Variants in GABPA observed in about 807,000 individuals in gnomAD.
GABPA encodes GA-binding protein alpha chain.
In GABPA, 4 loss-of-function variants were observed where a neutral mutation model predicts 59.4. The observed-to-expected ratio is 0.07, with a 90% CI of 0.03 to 0.15. The LOEUF (loss-of-function observed/expected upper bound fraction) is 0.15. GABPA is among the 10% of genes least tolerant of loss of function. The probability of loss-of-function intolerance (pLI) is 1.00; values close to 1 mark genes in which losing one functional copy is unlikely to be tolerated. For synonymous variants in GABPA, 164 were observed against 183.1 expected (o/e 0.90, Z 0.84); for missense variants, 251 against 543.8 (o/e 0.46, Z 5.36).
chr21:25,745,164 C>T (rs1479589278), intron 2 of GABPA, 46 bp from the exon 3 acceptor site: 2 of 1,593,234 alleles, frequency 1.3e-6, no homozygotes, highest in African/African-American at 2.7e-5. Flanking sequence ...CTTTGAAATC[C>T]AGGGTAAAAA....
chr21:25,769,234 C>T lies in GABPA; in HGVS notation c.*2C>T, dbSNP rs1283016911. The stretch of plus-strand genomic sequence containing the variant: ...CTGCAAACGGAAAAGGATAATTGAG[C>T]CCCAGGACATTCTGAGACTCCAAAG... On this transcript the variant is annotated 3_prime_UTR_variant, in exon 10 of 10. Transcript: ENST00000400075. The T allele has an allele frequency of 1.3e-6, 2 of 1,575,780 alleles. No homozygotes were observed. The highest frequency in any genetic ancestry group is 4.5e-5 in the East Asian group (2 of 44,700).
intron 5 of GABPA, among the ~76,000 whole-genome samples, chr21:25,756,386 G>A (rs1355303969): frequency 1.3e-5 from 2 of 151,768 alleles, no homozygotes; most frequent in African/African-American, 4.8e-5. Flanking sequence ...TTTCCTTGGC[G>A]TCCCTCTGCT....
chr21:25,748,954 A>G, intron 3 of GABPA, 82 bp from the exon 4 acceptor site: 1 of 804,852 alleles, frequency 1.2e-6, no homozygotes, highest in Non-Finnish European at 2.2e-6. Context: ...TGTTTGGTAC[A>G]TCCATTTATT....
At chr21:25,739,808 G>A (rs1216056242) in intron 1 of GABPA, among the ~76,000 whole-genome samples, 1 of 152,156 alleles carries the variant, frequency 6.6e-6, no homozygotes, top group Non-Finnish European at 1.5e-5. Context: ...ATAGGAGACA[G>A]GTTCTTTTTA....
intron 5 of GABPA, among the ~76,000 whole-genome samples, chr21:25,755,365 G>C (rs897580064): frequency 1.3e-5 from 2 of 149,242 alleles, no homozygotes; most frequent in Non-Finnish European, 3.0e-5. Context: ...GAGCTCTGGA[G>C]CTTGAGGCTA....
At chr21:25,761,947 T>C (rs1423700899) in intron 6 of GABPA, among the ~76,000 whole-genome samples, 1 of 152,126 alleles carries the variant, frequency 6.6e-6, no homozygotes, top group African/African-American at 2.4e-5. Context: ...ACCTAAATAA[T>C]TTAATTTTGG....
chr21:25,755,888 G>A (rs553647745), intron 5 of GABPA, among the ~76,000 whole-genome samples: 1 of 152,224 alleles, frequency 6.6e-6, no homozygotes, highest in East Asian at 1.9e-4. Flanking sequence ...CTGCAGGCAG[G>A]AATTCTCTCA....
intron 3 of GABPA, among the ~76,000 whole-genome samples, chr21:25,748,479 AC>A (rs1383860863): frequency 6.6e-6 from 1 of 152,172 alleles, no homozygotes; most frequent in East Asian, 1.9e-4. Context: ...GAAGGAAAAA[AC>A]ACTAATACTG....
chr21:25,747,765 C>A (rs867158688), intron 3 of GABPA, among the ~76,000 whole-genome samples: 2 of 152,150 alleles, frequency 1.3e-5, no homozygotes, highest in Non-Finnish European at 2.9e-5. Context: ...TTCAGAGTTA[C>A]ATTTGCCATA....
chr21:25,741,019 G>A (rs985309623), intron 1 of GABPA, among the ~76,000 whole-genome samples: 7 of 152,198 alleles, frequency 4.6e-5, no homozygotes, highest in African/African-American at 1.4e-4. Context: ...CTTGTTGATT[G>A]CAATTGGTCC....
chr21:25,756,981 T>C (rs2035652284), intron 5 of GABPA, among the ~76,000 whole-genome samples: 1 of 152,238 alleles, frequency 6.6e-6, no homozygotes, highest in South Asian at 2.1e-4. Context: ...GGCACCTCTG[T>C]TCCTTTAGTC....
In GABPA at chr21:25,772,239, C is replaced by T. The variant is rs2036022906; in HGVS notation, c.*3007C>T. Reference sequence around the variant, plus strand: ...TTGCTGCCAGGAAAAACAAAATTCTCAATCTTTTGTAAATGGGAGGAGGAC... The same window carrying T: ...TTGCTGCCAGGAAAAACAAAATTCTTAATCTTTTGTAAATGGGAGGAGGAC... On this transcript the variant is annotated 3_prime_UTR_variant, in exon 10 of 10. Coordinates refer to ENST00000400075, the MANE Select transcript of GABPA (RefSeq NM_002040.4). 6.6e-6 allele frequency: 1 copy of T among 152,010 alleles called. No homozygotes were observed. Among genetic ancestry groups the T allele is most frequent in the African/African-American group, 2.4e-5 (1 of 41,436 alleles). 9.4% of individuals were successfully genotyped at this position (152,010 alleles called of 1,614,324 possible).
At chr21:25,760,234 T>C (rs2035732490) in intron 6 of GABPA, among the ~76,000 whole-genome samples, 1 of 152,160 alleles carries the variant, frequency 6.6e-6, no homozygotes, top group Non-Finnish European at 1.5e-5. Flanking sequence ...GGCAGGATGA[T>C]GTGTAAGGGT....
rs750459590 is a variant in GABPA at position 25,752,032 on chromosome 21, G to A, written c.351G>A (p.Ala117=). ...KLNILEIVKP[A]DTVEVVIDPD... is the part of the protein sequence containing the mutation. ...ACATCCTTGAAATTGTTAAACCTGC[G>A]GACACTGTTGAGGTTGTTATTGATC... Residue 117 remains alanine (A), a synonymous_variant, in exon 5 of 10, where the codon GCG becomes GCA. Transcript: ENST00000400075. The A allele has an allele frequency of 2.6e-5, 42 of 1,611,154 alleles. No homozygotes were observed. Among genetic ancestry groups the A allele is most frequent in the East Asian group, 4.5e-5 (2 of 44,836 alleles).
rs2034994908 is a variant in GABPA, at chr21:25,735,249, A to T, written c.-356A>T. 5.5e-6 allele frequency: 3 copies of T among 546,112 alleles called. No individual in the cohort carries two copies. Among genetic ancestry groups the T allele is most frequent in the Non-Finnish European group, 6.6e-6 (2 of 301,892 alleles). 33.8% of individuals were successfully genotyped at this position (546,112 alleles called of 1,614,324 possible). ...CTGTTCGTTAGGGTTATCGAAGTGT[A>T]TAAAGGTGCAGGGAAAGTGAGACTG... On this transcript the variant is annotated 5_prime_UTR_variant, in exon 1 of 10. Transcript: ENST00000400075.
intron 1 of GABPA, among the ~76,000 whole-genome samples, chr21:25,741,154 A>G (rs1025512998): frequency 1.3e-5 from 2 of 152,182 alleles, no homozygotes; most frequent in African/African-American, 4.8e-5. Context: ...TTTTTCAAAC[A>G]GGGTCTCTTG....
chr21:25,761,946 A>G (rs2035774573), intron 6 of GABPA, among the ~76,000 whole-genome samples: 1 of 152,134 alleles, frequency 6.6e-6, no homozygotes, highest in Admixed American at 6.6e-5. Flanking sequence ...TACCTAAATA[A>G]TTTAATTTTG....
intron 1 of GABPA, among the ~76,000 whole-genome samples, chr21:25,740,045 G>A (rs953684029): frequency 6.6e-6 from 1 of 152,166 alleles, no homozygotes; most frequent in African/African-American, 2.4e-5. Context: ...AAGGGGTGGT[G>A]GTGGCTGTTG....
At chr21:25,739,571 T>C (rs1255178243) in intron 1 of GABPA, among the ~76,000 whole-genome samples, 1 of 152,200 alleles carries the variant, frequency 6.6e-6, no homozygotes, top group Non-Finnish European at 1.5e-5. Flanking sequence ...TGAATCACTC[T>C]GGCTCTCTCT....
Sources: allele counts gnomAD v4.1 joint callset (sites outside exome capture counted in the v4.1 genomes callset), GRCh38; gene constraint gnomAD v4.1.1; transcripts MANE v1.5; gene names NCBI Gene and HGNC (gene_info 2026-07-23, HGNC 2026-07-21).